Variants in SFXN5 observed in about 807,000 individuals in gnomAD.
The protein encoded by SFXN5 is sideroflexin-5.
In SFXN5, 43 loss-of-function variants were observed where a neutral mutation model predicts 50.2. That is an observed-to-expected ratio of 0.86 (90% CI 0.67 to 1.11). SFXN5 has a LOEUF of 1.11. SFXN5 is among the 50% of genes least tolerant of loss of function. SFXN5 has a pLI of 0.00. For missense variants in SFXN5, 463 were observed against 454.1 expected, an observed-to-expected ratio of 1.02 and a Z score of -0.18; for synonymous variants, 203 against 185.8, an observed-to-expected ratio of 1.09 and a Z score of -0.75.
At chr2:73,028,183 A>G (rs1677837639) in intron 3 of SFXN5, among the ~76,000 whole-genome samples, 1 of 152,212 alleles carries the variant, frequency 6.6e-6, no homozygotes, top group Non-Finnish European at 1.5e-5. Flanking sequence ...TAATGACAAA[A>G]TCACCTAATG....
At chr2:73,036,370 G>A (rs942867967) in intron 3 of SFXN5, among the ~76,000 whole-genome samples, 2 of 152,166 alleles carry the variant, frequency 1.3e-5, no homozygotes, top group African/African-American at 4.8e-5. Flanking sequence ...GGGAGAGGGA[G>A]GATCTGCCTC....
chr2:73,040,769 G>T, intron 3 of SFXN5, 85 bp downstream of exon 3: 1 of 1,098,100 alleles, frequency 9.1e-7, no homozygotes, highest in Admixed American at 2.1e-5. Context: ...CGAAAGAAGT[G>T]GTTCTGGCTG....
chr2:72,968,555 T>C, intron 11 of SFXN5, 22 bp from the exon 12 acceptor site: 1 of 1,611,640 alleles, frequency 6.2e-7, no homozygotes, highest in Non-Finnish European at 8.5e-7. Context: ...GCAGAAGCTG[T>C]GTGAGAGGGG....
chr2:73,027,587 C>G (rs903090337), intron 3 of SFXN5, among the ~76,000 whole-genome samples: 1 of 152,234 alleles, frequency 6.6e-6, no homozygotes, highest in African/African-American at 2.4e-5. Context: ...CACTCACTCA[C>G]TCACTCAGAG....
At chr2:73,039,052 C>G (rs947528408) in intron 3 of SFXN5, among the ~76,000 whole-genome samples, 1 of 152,158 alleles carries the variant, frequency 6.6e-6, no homozygotes. Context: ...CTCAGCCTCC[C>G]AAGTAGCTGG....
intron 1 of SFXN5, among the ~76,000 whole-genome samples, chr2:73,060,382 T>A (rs770133687): frequency 6.6e-6 from 1 of 151,988 alleles, no homozygotes; most frequent in Non-Finnish European, 1.5e-5. Context: ...ATAAATCTAA[T>A]CACAAGAAAA....
At position 73,062,569 on chromosome 2, in the gene SFXN5, T is replaced by C. The variant is rs1004833569; in HGVS notation, c.103-3973A>G. Among the ~76,000 whole-genome samples the C allele has an allele frequency of 1.1e-4, 17 of 152,246 alleles. No individual in the cohort carries two copies. In the South Asian group the frequency reaches 1.2e-3, roughly 11 times the overall value. On this transcript the variant is annotated intron_variant, in intron 1 of 13. Coordinates refer to ENST00000272433, the MANE Select transcript of SFXN5 (RefSeq NM_144579.3). ...AGCCTTCTTGTGTCACTTTCGACCA[T>C]AGCTACTGGGGGAGACTCCCAGATA...
intron 3 of SFXN5, among the ~76,000 whole-genome samples, chr2:73,035,493 CTTTTTTT>C (rs761321478): frequency 9.8e-6 from 1 of 101,844 alleles, no homozygotes; most frequent in Non-Finnish European, 1.8e-5. Flanking sequence ...GTATCGCAAT[CTTTTTTT>C]TTTTTTTTTT....
At chr2:73,042,482 G>A (rs1679776020) in intron 2 of SFXN5, 2 of 152,076 alleles carry the variant, frequency 1.3e-5, no homozygotes, top group African/African-American at 4.8e-5. Context: ...GCATGGTGGT[G>A]CGCACCTGTA....
rs1672720223 is a variant in SFXN5, at chr2:72,992,527, C to G, written c.535-4179G>C. On this transcript the variant is annotated intron_variant, in intron 9 of 13. Transcript: ENST00000272433. The surrounding 1 kb of genome is among the most constrained non-coding windows in gnomAD (Gnocchi z 4.5). ...CACCCCAAATGAAGGTTGTCTCGTTCTTCCTCACCCACACCCCAGCCTCCT... is the reference window on the plus strand; with the variant it reads ...CACCCCAAATGAAGGTTGTCTCGTTGTTCCTCACCCACACCCCAGCCTCCT... Among the ~76,000 whole-genome samples, 1 of 152,208 alleles carries G rather than the reference C, an allele frequency of 6.6e-6. No individual in the cohort carries two copies. The highest frequency in any genetic ancestry group is 2.1e-4 in the South Asian group (1 of 4,832).
rs1671585769 is a variant in SFXN5 at position 72,942,969 on chromosome 2, C to A, written c.*2053G>T. On this transcript the variant is annotated 3_prime_UTR_variant, in exon 14 of 14. Transcript: ENST00000272433. Reference sequence around the variant, plus strand: ...TGAGCTTTTCAAAAGACGACCCAGACATGCCAGCACCTAGTTCAGGCCTAG... The same window carrying A: ...TGAGCTTTTCAAAAGACGACCCAGAAATGCCAGCACCTAGTTCAGGCCTAG... 6.6e-6 allele frequency: 1 copy of A among 152,360 alleles called. No individual in the cohort carries two copies. The highest frequency in any genetic ancestry group is 1.5e-5 in the Non-Finnish European group (1 of 68,152). 9.4% of individuals were successfully genotyped at this position (152,360 alleles called of 1,614,324 possible). A position where few individuals can be genotyped will look rare whatever the true frequency, so the allele number is the denominator to read the frequency against.
intron 3 of SFXN5, among the ~76,000 whole-genome samples, chr2:73,035,557 T>C (rs2105902074): frequency 6.8e-6 from 1 of 146,578 alleles, no homozygotes; most frequent in South Asian, 2.2e-4. Context: ...TGGAGTGCAG[T>C]GCTGTGATCT....
chr2:73,049,209 G>A (rs1350776365), intron 2 of SFXN5: 1 of 152,260 alleles, frequency 6.6e-6, no homozygotes, highest in Non-Finnish European at 1.5e-5. Flanking sequence ...GCATCTTTCT[G>A]AGGGAAGGAA....
At chr2:72,988,846 C>T (rs1443307362) in intron 9 of SFXN5, among the ~76,000 whole-genome samples, 1 of 152,096 alleles carries the variant, frequency 6.6e-6, no homozygotes, top group African/African-American at 2.4e-5. Flanking sequence ...CCGACACCTG[C>T]CCACAGGCTG....
chr2:73,060,790 C>G (rs905957127), intron 1 of SFXN5, among the ~76,000 whole-genome samples: 3 of 151,634 alleles, frequency 2.0e-5, no homozygotes, highest in Admixed American at 2.0e-4. Context: ...CAACCTCTGC[C>G]TCCCGAGTTA....
intron 6 of SFXN5, among the ~76,000 whole-genome samples, chr2:73,008,934 C>T (rs771022812): frequency 3.3e-5 from 5 of 152,146 alleles, no homozygotes; most frequent in South Asian, 2.1e-4. Flanking sequence ...CTCTGGGGGG[C>T]GAGCAGGGTA....
At chr2:72,964,635 A>C (rs138196832) in intron 12 of SFXN5, among the ~76,000 whole-genome samples, 91 of 152,334 alleles carry the variant, frequency 6.0e-4, no homozygotes, top group African/African-American at 2.1e-3. Flanking sequence ...TCCAGAGTAC[A>C]TGTGAGATTA....
chr2:72,967,758 C>A (rs987023779), intron 12 of SFXN5, among the ~76,000 whole-genome samples: 2 of 152,140 alleles, frequency 1.3e-5, no homozygotes, highest in Non-Finnish European at 2.9e-5. Context: ...GGGGACCCTC[C>A]CCTGCCCCCT....
At chr2:73,056,541 C>T (rs934368664) in intron 2 of SFXN5, among the ~76,000 whole-genome samples, 6 of 151,810 alleles carry the variant, frequency 4.0e-5, no homozygotes, top group Admixed American at 1.3e-4. Flanking sequence ...CAAAATTAGC[C>T]GGGCATGGTG....
Sources: gnomAD v4.1 joint callset for allele counts (sites outside exome capture counted in the v4.1 genomes callset) on GRCh38, gnomAD v4.1.1 for gene constraint, Gnocchi (gnomAD v3.1) non-coding constraint, MANE v1.5 for transcripts, NCBI Gene and HGNC (gene_info 2026-07-23, HGNC 2026-07-21) for gene names.